Variants in RNF220 observed in about 807,000 individuals in gnomAD.
RNF220 encodes ring finger protein 220.
A neutral mutation model predicts 67.1 loss-of-function variants in RNF220; 7 were observed. The ratio of observed to expected loss-of-function variants is 0.10; its 90% CI spans 0.06 to 0.20. The LOEUF (loss-of-function observed/expected upper bound fraction) is 0.20, where lower values mean the gene tolerates loss of function less well. RNF220 is among the 10% of genes least tolerant of loss of function. RNF220 has a pLI of 1.00. For missense variants in RNF220, 565 were observed against 740.3 expected, an observed-to-expected ratio of 0.76 and a Z score of 2.75; for synonymous variants, 270 against 283.2, an observed-to-expected ratio of 0.95 and a Z score of 0.47.
intron 2 of RNF220, among the ~76,000 whole-genome samples, chr1:44,413,285 T>TC (rs929363030): frequency 5.3e-5 from 8 of 152,324 alleles, no homozygotes; most frequent in Non-Finnish European, 1.2e-4. Context: ...AGCTGTGTTT[T>TC]CCTTGCGATC....
chr1:44,571,376 C>A (rs887953731), intron 2 of RNF220, among the ~76,000 whole-genome samples: 2 of 152,214 alleles, frequency 1.3e-5, no homozygotes, highest in African/African-American at 4.8e-5. Context: ...AATGTCACTT[C>A]TTCAGAGAGG....
At chr1:44,491,888 T>G (rs1038828573) in intron 2 of RNF220, among the ~76,000 whole-genome samples, 7 of 152,196 alleles carry the variant, frequency 4.6e-5, no homozygotes, top group Admixed American at 2.6e-4. Flanking sequence ...GGGCTTGAAC[T>G]CCTGGTCTCA....
In RNF220 at chr1:44,650,179, A is replaced by G. The variant is rs988222432; in HGVS notation, c.1629+222A>G. 1.3e-5 allele frequency: 8 copies of G among 596,768 alleles called. No individual in the cohort carries two copies. In the Admixed American group the frequency reaches 2.4e-4, roughly 18 times the overall value. 37.0% of individuals were successfully genotyped at this position (596,768 alleles called of 1,614,324 possible). A position where few individuals can be genotyped will look rare whatever the true frequency, so the allele number is the denominator to read the frequency against. On this transcript the variant is annotated intron_variant, in intron 14 of 14. Coordinates refer to ENST00000361799, the MANE Select transcript of RNF220 (RefSeq NM_018150.4). The surrounding 1 kb of genome is among the most constrained non-coding windows in gnomAD (Gnocchi z 4.3). ...TTCTCCCCCTCCATGAGTTCACTGCATTCTCCCTTCCCCGCCCCGGTCCCC... is the reference window on the plus strand; with the variant it reads ...TTCTCCCCCTCCATGAGTTCACTGCGTTCTCCCTTCCCCGCCCCGGTCCCC...
At chr1:44,525,362 T>C (rs1192002669) in intron 2 of RNF220, among the ~76,000 whole-genome samples, 3 of 152,212 alleles carry the variant, frequency 2.0e-5, no homozygotes, top group Non-Finnish European at 4.4e-5. Flanking sequence ...CCTGCACGCC[T>C]AGCACAGCGC....
At chr1:44,646,350 T>C (rs1220502494) in intron 12 of RNF220, among the ~76,000 whole-genome samples, 1 of 152,258 alleles carries the variant, frequency 6.6e-6, no homozygotes, top group East Asian at 1.9e-4. Context: ...TCCAGCCCGT[T>C]GTGGTTGATC....
intron 2 of RNF220, among the ~76,000 whole-genome samples, chr1:44,603,506 G>A (rs1474187096): frequency 6.6e-6 from 1 of 152,270 alleles, no homozygotes; most frequent in Non-Finnish European, 1.5e-5. Context: ...CTGGGAGGCT[G>A]AGGTGACCAT....
chr1:44,645,505 G>A lies in RNF220; in HGVS notation c.1445+17G>A. 1 of 1,612,528 alleles carries A rather than the reference G, an allele frequency of 6.2e-7. No homozygotes were observed. Among genetic ancestry groups the A allele is most frequent in the Non-Finnish European group, 8.5e-7 (1 of 1,179,240 alleles). On this transcript the variant is annotated intron_variant, in intron 12 of 14. Transcript: ENST00000361799. This position sits in a 1 kb window ranked among gnomAD's most constrained non-coding sequence, Gnocchi z 5.0. ...CATCGAGAAGTAAGTGTTTGGCCAGGAGAGAGCCCTGGGACCACAGTTCAG... is the reference window on the plus strand; with the variant it reads ...CATCGAGAAGTAAGTGTTTGGCCAGAAGAGAGCCCTGGGACCACAGTTCAG...
At chr1:44,519,689 G>A (rs1023447767) in intron 2 of RNF220, among the ~76,000 whole-genome samples, 1 of 152,206 alleles carries the variant, frequency 6.6e-6, no homozygotes, top group Admixed American at 6.5e-5. Flanking sequence ...GAACCTCCTT[G>A]ACCCCCCTCC....
intron 2 of RNF220, among the ~76,000 whole-genome samples, chr1:44,448,018 A>T (rs1375182565): frequency 6.6e-6 from 1 of 151,976 alleles, no homozygotes; most frequent in Non-Finnish European, 1.5e-5. Flanking sequence ...ATAAACTGAC[A>T]TTGGCCGGGC....
chr1:44,444,641 A>G (rs1370974591), intron 2 of RNF220, among the ~76,000 whole-genome samples: 2 of 152,060 alleles, frequency 1.3e-5, no homozygotes, highest in African/African-American at 2.4e-5. Context: ...GGATTTCGCC[A>G]TGTTGGTCAG....
chr1:44,632,707 G>A, intron 6 of RNF220: 1 of 501,962 alleles, frequency 2.0e-6, no homozygotes, highest in East Asian at 3.5e-5. Flanking sequence ...AAACTGCTGG[G>A]ACCTCACTAT....
chr1:44,495,508 A>C (rs959375342), intron 2 of RNF220, among the ~76,000 whole-genome samples: 3 of 152,212 alleles, frequency 2.0e-5, no homozygotes, highest in Admixed American at 6.5e-5. Context: ...TTAGTAAGGG[A>C]ACGTAACCTA....
intron 2 of RNF220, among the ~76,000 whole-genome samples, chr1:44,550,624 A>G (rs1043359372): frequency 6.6e-6 from 1 of 152,174 alleles, no homozygotes; most frequent in African/African-American, 2.4e-5. Context: ...GAACCTCTCT[A>G]CAATACAAAA....
At chr1:44,441,524 T>C (rs1306351055) in intron 2 of RNF220, among the ~76,000 whole-genome samples, 1 of 152,080 alleles carries the variant, frequency 6.6e-6, no homozygotes, top group Non-Finnish European at 1.5e-5. Context: ...GTCAACATGA[T>C]AGGGAGGAGG....
chr1:44,628,708 G>T (rs1644029398), intron 5 of RNF220, among the ~76,000 whole-genome samples: 1 of 152,194 alleles, frequency 6.6e-6, no homozygotes, highest in Non-Finnish European at 1.5e-5. Flanking sequence ...ACACTCCCTG[G>T]ATGAGGCATT....
At chr1:44,502,941 AT>A (rs1658059235) in intron 2 of RNF220, among the ~76,000 whole-genome samples, 2 of 151,872 alleles carry the variant, frequency 1.3e-5, no homozygotes, top group South Asian at 4.2e-4. Flanking sequence ...AATTTTTTCT[AT>A]TTTTATTTTT....
At chr1:44,478,463 T>C (rs1321577021) in intron 2 of RNF220, among the ~76,000 whole-genome samples, 1 of 151,892 alleles carries the variant, frequency 6.6e-6, no homozygotes, top group Non-Finnish European at 1.5e-5. Flanking sequence ...GGCTTCTGCT[T>C]GTAATCCTAG....
At chr1:44,475,175 T>G (rs770606341) in intron 2 of RNF220, among the ~76,000 whole-genome samples, 8 of 152,200 alleles carry the variant, frequency 5.3e-5, no homozygotes, top group Non-Finnish European at 2.9e-5. Context: ...TTGGGTGTGA[T>G]TTATGCAGGA....
At chr1:44,520,420 C>G (rs901808631) in intron 2 of RNF220, among the ~76,000 whole-genome samples, 1 of 152,028 alleles carries the variant, frequency 6.6e-6, no homozygotes, top group African/African-American at 2.4e-5. Flanking sequence ...GAGCCGAGAT[C>G]GCACCACTGC....
Sources: gnomAD v4.1 joint callset for allele counts (sites outside exome capture counted in the v4.1 genomes callset) on GRCh38, gnomAD v4.1.1 for gene constraint, Gnocchi (gnomAD v3.1) non-coding constraint, MANE v1.5 for transcripts, NCBI Gene and HGNC (gene_info 2026-07-23, HGNC 2026-07-21) for gene names.